Variants in MYO1D observed in about 807,000 individuals in gnomAD.
The protein encoded by MYO1D is unconventional myosin-Id.
A neutral mutation model predicts 122.0 loss-of-function variants in MYO1D; 83 were observed. The observed-to-expected ratio is 0.68, with a 90% confidence interval of 0.57 to 0.82. The LOEUF (loss-of-function observed/expected upper bound fraction) is 0.82. MYO1D is among the 40% of genes least tolerant of loss of function. MYO1D has a pLI of 0.00. For synonymous variants in MYO1D, 464 were observed against 446.9 expected, an observed-to-expected ratio of 1.04 and a Z score of -0.48; for missense variants, 1,157 against 1,269.5, an observed-to-expected ratio of 0.91 and a Z score of 1.35.
chr17:32,803,105 C>T (rs1164350149), intron 1 of MYO1D, among the ~76,000 whole-genome samples: 2 of 152,148 alleles, frequency 1.3e-5, no homozygotes, highest in South Asian at 2.1e-4. Context: ...GCAGACAGTT[C>T]CCATTCTGAA....
At chr17:32,546,731 T>C (rs137860467) in intron 21 of MYO1D, among the ~76,000 whole-genome samples, 5 of 152,216 alleles carry the variant, frequency 3.3e-5, no homozygotes, top group African/African-American at 1.2e-4. Flanking sequence ...AAGAAAGGAA[T>C]CTCAAATTCA....
chr17:32,861,100 G>C (rs1350518177), intron 1 of MYO1D, among the ~76,000 whole-genome samples: 1 of 143,550 alleles, frequency 7.0e-6, no homozygotes, highest in African/African-American at 2.6e-5. Flanking sequence ...ACGGAGTCTC[G>C]CTCTGTTGCC....
At chr17:32,648,530 G>A (rs947643343) in intron 19 of MYO1D, among the ~76,000 whole-genome samples, 1 of 152,188 alleles carries the variant, frequency 6.6e-6, no homozygotes, top group African/African-American at 2.4e-5. Flanking sequence ...TTGCCAGAAA[G>A]ACCAAGGCAT....
At chr17:32,862,315 T>C (rs1035821917) in intron 1 of MYO1D, among the ~76,000 whole-genome samples, 5 of 152,230 alleles carry the variant, frequency 3.3e-5, no homozygotes, top group Admixed American at 1.3e-4. Flanking sequence ...GGTTTATCAG[T>C]TCTATGAGAA....
chr17:32,802,425 T>C (rs1436395640), intron 1 of MYO1D, among the ~76,000 whole-genome samples: 1 of 152,226 alleles, frequency 6.6e-6, no homozygotes, highest in African/African-American at 2.4e-5. Context: ...AAAATTTTTT[T>C]CTGGGAAATA....
At chr17:32,683,478 C>T (rs957396866) in intron 16 of MYO1D, among the ~76,000 whole-genome samples, 11 of 152,080 alleles carry the variant, frequency 7.2e-5, no homozygotes, top group Non-Finnish European at 1.5e-4. Context: ...AGACAGGACC[C>T]TCAGCTGCAG....
intron 16 of MYO1D, among the ~76,000 whole-genome samples, chr17:32,670,284 A>G (rs1333100056): frequency 6.6e-6 from 1 of 152,232 alleles, no homozygotes; most frequent in Non-Finnish European, 1.5e-5. Flanking sequence ...TACTATAGTT[A>G]CAGAAGAGAA....
intron 21 of MYO1D, among the ~76,000 whole-genome samples, chr17:32,552,687 A>T (rs1464297606): frequency 6.6e-6 from 1 of 152,198 alleles, no homozygotes; most frequent in Admixed American, 6.5e-5. Context: ...TGCAGTGGAA[A>T]TGCTCTTGCT....
chr17:32,822,652 C>T (rs1489712448), intron 1 of MYO1D, among the ~76,000 whole-genome samples: 1 of 149,284 alleles, frequency 6.7e-6, no homozygotes, highest in Admixed American at 6.7e-5. Context: ...GCCGCGCGGG[C>T]CCCGGTGGGG....
chr17:32,730,100 G>A (rs1393376936), intron 14 of MYO1D, among the ~76,000 whole-genome samples: 3 of 149,712 alleles, frequency 2.0e-5, no homozygotes, highest in African/African-American at 7.3e-5. Flanking sequence ...TTGGGGGCAG[G>A]GAGGATTCTT....
At chr17:32,816,630 C>T (rs2090615756) in intron 1 of MYO1D, among the ~76,000 whole-genome samples, 1 of 152,094 alleles carries the variant, frequency 6.6e-6, no homozygotes, top group African/African-American at 2.4e-5. Flanking sequence ...AAAACATTTG[C>T]ATATAATTTT....
intron 16 of MYO1D, among the ~76,000 whole-genome samples, chr17:32,705,851 G>A (rs2089301069): frequency 6.6e-6 from 1 of 152,174 alleles, no homozygotes; most frequent in Admixed American, 6.5e-5. Context: ...TAGTGAATAA[G>A]TCTCATGAGA....
At chr17:32,521,624 T>C (rs1381086897) in intron 21 of MYO1D, among the ~76,000 whole-genome samples, 3 of 152,184 alleles carry the variant, frequency 2.0e-5, no homozygotes, top group Admixed American at 6.5e-5. Flanking sequence ...TCTTGGTCCA[T>C]AGAACCCTAG....
chr17:32,566,579 C>T (rs557704026), intron 21 of MYO1D, among the ~76,000 whole-genome samples: 23 of 151,820 alleles, frequency 1.5e-4, no homozygotes, highest in African/African-American at 5.3e-4. Flanking sequence ...TCTTGAGTAG[C>T]CACTGAAGGA....
intron 21 of MYO1D, among the ~76,000 whole-genome samples, chr17:32,591,056 C>G (rs560543261): frequency 1.5e-3 from 226 of 152,318 alleles, no homozygotes; most frequent in African/African-American, 5.3e-3. Flanking sequence ...CCCAGAAAAT[C>G]TCCCGTCATC....
intron 20 of MYO1D, among the ~76,000 whole-genome samples, chr17:32,621,420 C>A (rs2087853860): frequency 6.6e-6 from 1 of 151,926 alleles, no homozygotes; most frequent in Non-Finnish European, 1.5e-5. Context: ...CAAGCAGAAG[C>A]TGCATCTTCT....
intron 1 of MYO1D, among the ~76,000 whole-genome samples, chr17:32,827,107 AT>A (rs150432901): frequency 0.036 from 5,459 of 152,294 alleles, 319 homozygotes; most frequent in African/African-American, 0.12. Context: ...TGGCAGCATT[AT>A]TCATAATAGC....
intron 21 of MYO1D, among the ~76,000 whole-genome samples, chr17:32,563,259 G>C (rs1385898665): frequency 7.2e-6 from 1 of 138,104 alleles, no homozygotes; most frequent in African/African-American, 2.7e-5. Flanking sequence ...GCCCAGGCTG[G>C]AGCGTAGTGG....
In MYO1D at chr17:32,494,598, C is replaced by G. The variant is rs1909017260; in HGVS notation, c.*161G>C. 2 of 875,268 alleles carry G rather than the reference C, an allele frequency of 2.3e-6. No individual in the cohort carries two copies. The highest frequency in any genetic ancestry group is 3.4e-5 in the African/African-American group (2 of 58,770). The allele number at this position is 875,268 out of a possible 1,614,324, so 54.2% of individuals were successfully genotyped here. On this transcript the variant is annotated 3_prime_UTR_variant, in exon 22 of 22. Transcript: ENST00000318217. ...ACAGTAAGGACAGAGGAAGATGATA[C>G]CAAAGGCAGAAAACCAGGAAGGAAA...
Sources: gnomAD v4.1 joint callset for allele counts (sites outside exome capture counted in the v4.1 genomes callset) on GRCh38, gnomAD v4.1.1 for gene constraint, MANE v1.5 for transcripts, NCBI Gene and HGNC (gene_info 2026-07-23, HGNC 2026-07-21) for gene names.